SRPK1: variants seen among roughly 807,000 people sequenced by gnomAD.
SRPK1 encodes the protein SRSF protein kinase 1, also known as SFRS protein kinase 1.
Under a neutral mutation model 89.5 loss-of-function variants are expected in SRPK1, and 52 were observed. The observed-to-expected ratio is 0.58, with a 90% CI of 0.46 to 0.73. The LOEUF (loss-of-function observed/expected upper bound fraction) is 0.73, where lower values mean the gene tolerates loss of function less well. Ranked by LOEUF, SRPK1 falls within the 30% of genes least tolerant of loss-of-function variation. The probability of loss-of-function intolerance (pLI) is 0.00; values close to 1 mark genes in which losing one functional copy is unlikely to be tolerated. For missense variants in SRPK1, 603 were observed against 780.6 expected, an observed-to-expected ratio of 0.77 and a Z score of 2.71; for synonymous variants, 255 against 270.2, an observed-to-expected ratio of 0.94 and a Z score of 0.55.
intron 2 of SRPK1, among the ~76,000 whole-genome samples, chr6:35,906,353 T>C (rs1770847377): frequency 1.3e-5 from 2 of 152,280 alleles, no homozygotes; most frequent in Middle Eastern, 3.4e-3. Context: ...GCCTCCTGAG[T>C]AGCTGGGATT....
chr6:35,892,692 C>CACAAAACAA (rs1420545850), intron 2 of SRPK1, among the ~76,000 whole-genome samples: 6 of 142,130 alleles, frequency 4.2e-5, no homozygotes, highest in African/African-American at 1.5e-4. Flanking sequence ...ACAACAACGA[C>CACAAAACAA]AACAACACAA....
intron 2 of SRPK1, among the ~76,000 whole-genome samples, chr6:35,899,399 C>T (rs982455894): frequency 7.9e-5 from 12 of 152,176 alleles, no homozygotes; most frequent in Non-Finnish European, 1.2e-4. Flanking sequence ...CTCTGCCACT[C>T]CCCTTAACCC....
At chr6:35,902,890 C>T (rs888967808) in intron 2 of SRPK1, among the ~76,000 whole-genome samples, 1 of 152,114 alleles carries the variant, frequency 6.6e-6, no homozygotes, top group Non-Finnish European at 1.5e-5. Flanking sequence ...TCCTCAAGCT[C>T]ATATGTAGGT....
At chr6:35,839,583 A>T (rs1278484208) in intron 14 of SRPK1, among the ~76,000 whole-genome samples, 3 of 151,904 alleles carry the variant, frequency 2.0e-5, no homozygotes, top group Non-Finnish European at 4.4e-5. Flanking sequence ...CTTAACCAGG[A>T]GGTGAGTCTG....
At chr6:35,893,664 C>T (rs140807597) in intron 2 of SRPK1, among the ~76,000 whole-genome samples, 192 of 152,228 alleles carry the variant, frequency 1.3e-3, no homozygotes, top group African/African-American at 4.6e-3. Context: ...GATGCTACCC[C>T]AGAGTAAACT....
At position 35,915,125 on chromosome 6, in the gene SRPK1, C is replaced by T. The variant is rs1028733789; in HGVS notation, c.74+5343G>A. 2.4e-4 allele frequency among the ~76,000 whole-genome samples: 36 copies of T among 152,016 alleles called. 1 individual carries two copies. The highest frequency in any genetic ancestry group is 4.9e-4 in the Non-Finnish European group (33 of 67,990). ...CTGTTAAATCTTGCTGGAGGAAGGC[C>T]GGGTATGGCGGCTTACATCTGTAAT... On this transcript the variant is annotated intron_variant, in intron 2 of 15. Coordinates refer to ENST00000373825, the MANE Select transcript of SRPK1 (RefSeq NM_003137.5).
intron 2 of SRPK1, among the ~76,000 whole-genome samples, chr6:35,897,251 A>T (rs1313177473): frequency 6.6e-6 from 1 of 152,242 alleles, no homozygotes; most frequent in African/African-American, 2.4e-5. Context: ...GTCCAAATAT[A>T]GTGCTTTATT....
At chr6:35,862,149 C>T (rs1769795536) in intron 12 of SRPK1, among the ~76,000 whole-genome samples, 1 of 152,116 alleles carries the variant, frequency 6.6e-6, no homozygotes, top group Admixed American at 6.5e-5. Flanking sequence ...ACTCTAACTG[C>T]CATCCCCCAC....
At chr6:35,887,968 A>T in intron 5 of SRPK1, 56 bp downstream of exon 5, 1 of 1,296,214 alleles carries the variant, frequency 7.7e-7, no homozygotes. Context: ...TTTTTATTCA[A>T]TGAAACTTGA....
At chr6:35,891,772 TCA>T (rs1770524180) in intron 2 of SRPK1, among the ~76,000 whole-genome samples, 1 of 151,816 alleles carries the variant, frequency 6.6e-6, no homozygotes, top group South Asian at 2.1e-4. Context: ...CTTAGAAGTA[TCA>T]CTGCTTACTT....
intron 2 of SRPK1, among the ~76,000 whole-genome samples, chr6:35,903,143 A>G (rs1198112192): frequency 6.6e-6 from 1 of 152,036 alleles, no homozygotes; most frequent in African/African-American, 2.4e-5. Context: ...AAGTGAATGA[A>G]CGGAAAGATA....
rs988382035 is a variant in SRPK1 at position 35,915,700 on chromosome 6, C to T, written c.74+4768G>A. Among the ~76,000 whole-genome samples the T allele has an allele frequency of 4.7e-4, 72 of 151,796 alleles. 1 individual carries two copies. The highest frequency in any genetic ancestry group is 2.2e-4 in the Non-Finnish European group (15 of 67,976). On this transcript the variant is annotated intron_variant, in intron 2 of 15. Transcript: ENST00000373825. ...TTTAAAGGTATATACAGGCCAGGTGCGGTGGCTCACGCCTGTAAGCCTAGC... is the reference window on the plus strand; with the variant it reads ...TTTAAAGGTATATACAGGCCAGGTGTGGTGGCTCACGCCTGTAAGCCTAGC...
intron 2 of SRPK1, among the ~76,000 whole-genome samples, chr6:35,911,719 C>T (rs1398136603): frequency 2.0e-5 from 3 of 151,838 alleles, no homozygotes; most frequent in African/African-American, 7.3e-5. Flanking sequence ...GTGCATGCCA[C>T]CACACCCAGC....
intron 14 of SRPK1, among the ~76,000 whole-genome samples, chr6:35,839,960 G>A (rs985398463): frequency 7.9e-5 from 12 of 151,962 alleles, no homozygotes; most frequent in African/African-American, 2.4e-4. Context: ...TTACAGGTGT[G>A]AGCCACTGTG....
At chr6:35,844,035 C>T (rs1270830978) in intron 13 of SRPK1, among the ~76,000 whole-genome samples, 1 of 136,856 alleles carries the variant, frequency 7.3e-6, no homozygotes. Flanking sequence ...GATGGAGTCT[C>T]GCTCTGTCGC....
chr6:35,890,013 CAGGAGAATGGCATGAACCCG>C (rs1473865877), intron 3 of SRPK1, among the ~76,000 whole-genome samples: 1 of 151,676 alleles, frequency 6.6e-6, no homozygotes, highest in Non-Finnish European at 1.5e-5. Context: ...GAGGCTGAGG[CAGGAGAATGGCATGAACCCG>C]GGAGGCAGAG....
At chr6:35,841,649 T>A (rs1303843256) in intron 14 of SRPK1, among the ~76,000 whole-genome samples, 1 of 151,896 alleles carries the variant, frequency 6.6e-6, no homozygotes, top group Admixed American at 6.6e-5. Context: ...CTGGCCAACA[T>A]GGTGAAACCC....
intron 13 of SRPK1, among the ~76,000 whole-genome samples, chr6:35,842,970 C>CT (rs534065184): frequency 0.047 from 6,342 of 136,326 alleles, 185 homozygotes; most frequent in African/African-American, 0.081. Context: ...AAGAACAGGT[C>CT]TTTTTTTTTT....
chr6:35,842,297 C>T (rs868421507), intron 14 of SRPK1, among the ~76,000 whole-genome samples: 2 of 152,128 alleles, frequency 1.3e-5, no homozygotes, highest in Non-Finnish European at 2.9e-5. Flanking sequence ...AAAAAATTGT[C>T]CAGCACACAG....
Sources: gnomAD v4.1 joint callset for allele counts (sites outside exome capture counted in the v4.1 genomes callset) on GRCh38, gnomAD v4.1.1 for gene constraint, MANE v1.5 for transcripts, NCBI Gene and HGNC (gene_info 2026-07-23, HGNC 2026-07-21) for gene names.